GPC5: variants seen among roughly 807,000 people sequenced by gnomAD.
The protein encoded by GPC5 is glypican 5.
GPC5 carries 47 observed loss-of-function variants against 53.9 expected under a neutral mutation model. That is an observed-to-expected ratio of 0.87 (90% confidence interval 0.69 to 1.11). The LOEUF is 1.11. Ranked by LOEUF, GPC5 falls within the 50% of genes most tolerant of loss-of-function variation. GPC5 has a pLI of 0.00. For missense variants in GPC5, 748 were observed against 713.1 expected (o/e 1.05, Z -0.56); for synonymous variants, 286 against 263.3 (o/e 1.09, Z -0.84).
intron 2 of GPC5, among the ~76,000 whole-genome samples, chr13:91,603,968 T>C (rs898225738): frequency 6.6e-6 from 1 of 151,660 alleles, no homozygotes; most frequent in Non-Finnish European, 1.5e-5. Context: ...TTTATTATTA[T>C]ACTTTTAAGT....
At chr13:91,740,724 A>G (rs574305682) in intron 4 of GPC5, among the ~76,000 whole-genome samples, 11 of 152,338 alleles carry the variant, frequency 7.2e-5, no homozygotes, top group African/African-American at 2.6e-4. Context: ...CTTTTTGAGC[A>G]GAGACCAAAT....
chr13:92,501,970 A>G (rs1880198477), intron 7 of GPC5, among the ~76,000 whole-genome samples: 1 of 152,138 alleles, frequency 6.6e-6, no homozygotes, highest in South Asian at 2.1e-4. Context: ...TTCTTCATAG[A>G]AAAAGATACT....
chr13:92,629,658 G>A (rs114802349), intron 7 of GPC5, among the ~76,000 whole-genome samples: 206 of 152,238 alleles, frequency 1.4e-3, no homozygotes, highest in African/African-American at 4.5e-3. Context: ...GTCATAAAGT[G>A]TGAGCACCTG....
intron 2 of GPC5, among the ~76,000 whole-genome samples, chr13:91,686,829 GAGT>G (rs2035632999): frequency 6.6e-6 from 1 of 151,982 alleles, no homozygotes; most frequent in Non-Finnish European, 1.5e-5. Flanking sequence ...TAAAGTAGCA[GAGT>G]AGTAATGAAT....
intron 7 of GPC5, among the ~76,000 whole-genome samples, chr13:92,321,924 C>A (rs2043218587): frequency 1.3e-5 from 2 of 152,018 alleles, no homozygotes; most frequent in South Asian, 2.1e-4. Flanking sequence ...ATAATAATAG[C>A]AAAACAGTCT....
At chr13:92,087,927 T>G (rs9560918) in intron 6 of GPC5, among the ~76,000 whole-genome samples, 38,923 of 150,792 alleles carry the variant, frequency 0.26, 5,354 homozygotes, top group Non-Finnish European at 0.31. Flanking sequence ...ATTCTCTAGC[T>G]TCCAACTACT....
At chr13:92,640,768 G>A (rs1316204022) in intron 7 of GPC5, among the ~76,000 whole-genome samples, 1 of 151,894 alleles carries the variant, frequency 6.6e-6, no homozygotes, top group Non-Finnish European at 1.5e-5. Flanking sequence ...CCAAATCTAG[G>A]GACAATTTGA....
Position 92,565,198 on chromosome 13 carries a change from A to G in GPC5, c.1562-301084A>G, listed in dbSNP as rs575383953. Among the ~76,000 whole-genome samples the G allele has an allele frequency of 7.2e-5, 11 of 152,232 alleles. No homozygotes were observed. The East Asian group carries it at 1.5e-3, about 21-fold the overall frequency. On this transcript the variant is annotated intron_variant, in intron 7 of 7. Transcript: ENST00000377067. ...ACGTAAATATTTTAAAGGAAAATAG[A>G]TTTTGAAGAAATCAACACATTTTTA...
intron 2 of GPC5, among the ~76,000 whole-genome samples, chr13:91,643,748 C>G (rs1010407298): frequency 6.6e-6 from 1 of 152,174 alleles, no homozygotes; most frequent in Non-Finnish European, 1.5e-5. Context: ...TCTGCCTTCA[C>G]CATCACATGG....
At chr13:91,816,770 C>T (rs2038406460) in intron 5 of GPC5, among the ~76,000 whole-genome samples, 1 of 152,038 alleles carries the variant, frequency 6.6e-6, no homozygotes, top group Admixed American at 6.5e-5. Flanking sequence ...GAAGGATTTC[C>T]CCTGAGATTT....
At chr13:92,092,200 A>G (rs2041386666) in intron 6 of GPC5, among the ~76,000 whole-genome samples, 1 of 152,160 alleles carries the variant, frequency 6.6e-6, no homozygotes, top group African/African-American at 2.4e-5. Context: ...CATACCTCTT[A>G]TGCATACTGC....
intron 7 of GPC5, among the ~76,000 whole-genome samples, chr13:92,400,544 C>T (rs369309443): frequency 1.6e-4 from 24 of 152,096 alleles, no homozygotes; most frequent in African/African-American, 5.3e-4. Context: ...TTTCTCTTAC[C>T]CTTTCCATAT....
chr13:92,119,266 C>T (rs1183640428), intron 6 of GPC5, among the ~76,000 whole-genome samples: 2 of 151,882 alleles, frequency 1.3e-5, no homozygotes, highest in African/African-American at 2.4e-5. Context: ...CCCAATGAGT[C>T]AATTACCTCC....
chr13:92,534,252 C>T (rs1250031857), intron 7 of GPC5, among the ~76,000 whole-genome samples: 1 of 152,122 alleles, frequency 6.6e-6, no homozygotes, highest in Non-Finnish European at 1.5e-5. Context: ...TGCACTCCAG[C>T]CTGGGTGACA....
chr13:91,751,570 G>A (rs761482402), intron 4 of GPC5, among the ~76,000 whole-genome samples: 3 of 152,196 alleles, frequency 2.0e-5, no homozygotes, highest in East Asian at 1.9e-4. Flanking sequence ...AACCTCATTA[G>A]TTCTTAAAGC....
intron 4 of GPC5, among the ~76,000 whole-genome samples, chr13:91,729,890 C>A (rs943821132): frequency 6.6e-6 from 1 of 152,134 alleles, no homozygotes; most frequent in Non-Finnish European, 1.5e-5. Flanking sequence ...TATTCACTAG[C>A]AAAATGAAAC....
intron 7 of GPC5, among the ~76,000 whole-genome samples, chr13:92,344,811 AC>A (rs1242368563): frequency 2.0e-5 from 3 of 152,200 alleles, no homozygotes; most frequent in African/African-American, 7.2e-5. Flanking sequence ...CCATAGTCAA[AC>A]TTTTGATTAC....
chr13:91,964,240 G>T (rs1161939929), intron 6 of GPC5, among the ~76,000 whole-genome samples: 1 of 152,280 alleles, frequency 6.6e-6, no homozygotes, highest in South Asian at 2.1e-4. Flanking sequence ...GCAGCAGCAA[G>T]ATTTCTTGCA....
At chr13:92,343,192 T>C (rs555197043) in intron 7 of GPC5, among the ~76,000 whole-genome samples, 1 of 152,292 alleles carries the variant, frequency 6.6e-6, no homozygotes, top group Admixed American at 6.5e-5. Flanking sequence ...GCACTGGGTG[T>C]TGCCACACCA....
Sources: gnomAD v4.1 joint callset for allele counts (sites outside exome capture counted in the v4.1 genomes callset) on GRCh38, gnomAD v4.1.1 for gene constraint, MANE v1.5 for transcripts, NCBI Gene and HGNC (gene_info 2026-07-23, HGNC 2026-07-21) for gene names.